PCSK1: variants seen among roughly 807,000 people sequenced by gnomAD.
PCSK1 encodes the protein neuroendocrine convertase 1.
In PCSK1, 56 loss-of-function variants were observed where a neutral mutation model predicts 90.6. The observed-to-expected ratio is 0.62, with a 90% CI of 0.50 to 0.77. PCSK1 has a LOEUF of 0.77. Ranked by LOEUF, PCSK1 falls within the 30% of genes least tolerant of loss-of-function variation. The pLI is 0.00. For synonymous variants in PCSK1, 348 were observed against 342.4 expected, an observed-to-expected ratio of 1.02 and a Z score of -0.18; for missense variants, 801 against 932.6, an observed-to-expected ratio of 0.86 and a Z score of 1.84.
chr5:96,425,738 A>G, intron 3 of PCSK1, 82 bp downstream of exon 3: 4 of 793,738 alleles, frequency 5.0e-6, no homozygotes, highest in African/African-American at 1.7e-5. Context: ...TAAAAAAAAA[A>G]AAAAATCCAT....
In PCSK1 at chr5:96,400,114, G is replaced by T. The variant is rs751616333; in HGVS notation, c.1269C>A (p.Asn423Lys). Reference sequence around the variant, plus strand: ...CTGCTCCATTCTTTTTCCATCCAGGGTTATTGGCCAGCGGGTCATACTCAG... The same window carrying T: ...CTGCTCCATTCTTTTTCCATCCAGGTTTATTGGCCAGCGGGTCATACTCAG... Reference protein sequence around the residue: ...WTSEYDPLANNPGWKKNGAGL... With the variant: ...WTSEYDPLANKPGWKKNGAGL... The change falls in exon 10 of 14, where the codon AAC becomes AAA. Residue 423 changes from asparagine (N) to lysine (K), a missense_variant. Transcript: ENST00000311106. 9.9e-6 allele frequency: 16 copies of T among 1,614,024 alleles called. No individual in the cohort carries two copies. Among genetic ancestry groups the T allele is most frequent in the Admixed American group, 1.7e-5 (1 of 60,000 alleles).
At chr5:96,410,742 T>C in intron 8 of PCSK1, 32 bp downstream of exon 8, 3 of 1,549,480 alleles carry the variant, frequency 1.9e-6, no homozygotes, top group Non-Finnish European at 2.7e-6. Flanking sequence ...CTCTCCTAAC[T>C]AAGCAGAGAG....
intron 1 of PCSK1, among the ~76,000 whole-genome samples, chr5:96,430,323 GAAAC>G (rs1234894308): frequency 3.9e-5 from 6 of 152,268 alleles, no homozygotes; most frequent in African/African-American, 1.4e-4. Flanking sequence ...TTAAAATTAA[GAAAC>G]AAACAGTTGA....
At chr5:96,412,901 A>T in intron 6 of PCSK1, 6 of 102,388 alleles carry the variant, frequency 5.9e-5, no homozygotes, top group Non-Finnish European at 1.0e-4. Flanking sequence ...CCTCCCTCCC[A>T]CCCCAACTAA....
rs1760931927 is a variant in PCSK1, at chr5:96,416,156, A to G, written c.621-35T>C. The G allele has an allele frequency of 6.4e-6, 9 of 1,401,684 alleles. No homozygotes were observed. The East Asian group carries it at 1.8e-4, about 28-fold the overall frequency. The allele number at this position is 1,401,684 out of a possible 1,614,324, so 86.8% of individuals were successfully genotyped here. ...GAAAAATAAGAATTATAAAACATACAGAAGAACAAACATTTGTTTTGCATA... is the reference window on the plus strand; with the variant it reads ...GAAAAATAAGAATTATAAAACATACGGAAGAACAAACATTTGTTTTGCATA... On this transcript the variant is annotated intron_variant, in intron 5 of 13. Transcript: ENST00000311106.
chr5:96,400,602 G>C (rs1580747289), intron 9 of PCSK1, among the ~76,000 whole-genome samples: 1 of 152,134 alleles, frequency 6.6e-6, no homozygotes. Context: ...ACCCACAGAC[G>C]AGGCCTTGAC....
At chr5:96,429,405 G>A (rs1761419873) in intron 1 of PCSK1, 88 bp from the exon 2 acceptor site, 3 of 738,006 alleles carry the variant, frequency 4.1e-6, no homozygotes, top group South Asian at 3.1e-5. Flanking sequence ...TTAGAGATAG[G>A]CAACTTTTAT....
At chr5:96,412,752 G>GTTTT (rs57397343) in intron 6 of PCSK1, among the ~76,000 whole-genome samples, 14,479 of 71,540 alleles carry the variant, frequency 0.2, 1,724 homozygotes, top group African/African-American at 0.23. Context: ...CAGCTGTGAT[G>GTTTT]TTTTTTTTTT....
chr5:96,396,036 T>C (rs908202103), intron 12 of PCSK1, among the ~76,000 whole-genome samples: 5 of 152,192 alleles, frequency 3.3e-5, no homozygotes, highest in African/African-American at 7.2e-5. Context: ...AGTTTCCTGA[T>C]GGTGAAATTG....
At chr5:96,393,453 C>G in intron 13 of PCSK1, 75 bp from the exon 14 acceptor site, 1 of 1,552,066 alleles carries the variant, frequency 6.4e-7, no homozygotes, top group South Asian at 1.1e-5. Context: ...TGCAACCCTA[C>G]CACAGGAACG....
At chr5:96,421,656 A>G (rs1380307373) in intron 5 of PCSK1, among the ~76,000 whole-genome samples, 1 of 152,228 alleles carries the variant, frequency 6.6e-6, no homozygotes, top group African/African-American at 2.4e-5. Context: ...GGAGAATTTC[A>G]TAATGTAAGA....
At chr5:96,431,235 C>T (rs1375624619) in intron 1 of PCSK1, among the ~76,000 whole-genome samples, 1 of 152,208 alleles carries the variant, frequency 6.6e-6, no homozygotes, top group African/African-American at 2.4e-5. Context: ...AGACTTACTA[C>T]TAAACTGTAT....
chr5:96,404,301 G>T (rs1760482062), intron 9 of PCSK1, among the ~76,000 whole-genome samples: 1 of 152,170 alleles, frequency 6.6e-6, no homozygotes, highest in South Asian at 2.1e-4. Context: ...GTTAAAAAAG[G>T]AATTCCTAGG....
At chr5:96,414,018 A>G (rs1241220044) in intron 6 of PCSK1, among the ~76,000 whole-genome samples, 2 of 146,568 alleles carry the variant, frequency 1.4e-5, no homozygotes, top group Non-Finnish European at 3.0e-5. Context: ...GGGTTCCTGT[A>G]GTCCTAGCTA....
At position 96,395,018 on chromosome 5, in the gene PCSK1, C is replaced by A. The variant is rs1760083686; in HGVS notation, c.1730G>T (p.Arg577Ile). ...CACAATTCTTCCTTCATTTTGAATT[C>A]TTCCAGACTAACAAATAAGCATACC... is the stretch of plus-strand genomic sequence containing the variant. Reference protein sequence around the residue: ...WTLRITDMSGRIQNEGRIVNW... With the variant: ...WTLRITDMSGIIQNEGRIVNW... The change falls in exon 13 of 14, where the codon AGA becomes ATA. Residue 577 changes from arginine (R) to isoleucine (I), a missense_variant. Arg to Ile is a moderately conservative substitution (Grantham distance 97). Coordinates refer to ENST00000311106, the MANE Select transcript of PCSK1 (RefSeq NM_000439.5). The A allele has an allele frequency of 6.2e-7, 1 of 1,612,392 alleles. No homozygotes were observed. The highest frequency in any genetic ancestry group is 8.5e-7 in the Non-Finnish European group (1 of 1,178,480).
chr5:96,411,242 A>G (rs367830836), intron 7 of PCSK1, among the ~76,000 whole-genome samples: 1 of 152,224 alleles, frequency 6.6e-6, no homozygotes, highest in East Asian at 1.9e-4. Flanking sequence ...TTTCTTATGC[A>G]GATTCATAAT....
rs769173446 is a variant in PCSK1, at chr5:96,393,119, T to A, written c.2144A>T (p.Asp715Val). 6.2e-7 allele frequency: 1 copy of A among 1,614,028 alleles called. No homozygotes were observed. The highest frequency in any genetic ancestry group is 1.3e-5 in the African/African-American group (1 of 74,902). ...EKLNKPSQLK[D>V]SEDSLYNDYV... Reference sequence around the variant, plus strand: ...GTCATTATACAGACTGTCTTCAGAGTCTTTAAGCTGGGAAGGTTTGTTCAG... The same window carrying A: ...GTCATTATACAGACTGTCTTCAGAGACTTTAAGCTGGGAAGGTTTGTTCAG... Residue 715 changes from aspartate to valine, a missense_variant, in exon 14 of 14, where the codon GAC becomes GTC. By Grantham distance (152) the Asp-to-Val change is radical. Transcript: ENST00000311106.
intron 5 of PCSK1, among the ~76,000 whole-genome samples, chr5:96,418,182 A>G (rs1371022378): frequency 6.6e-6 from 1 of 152,224 alleles, no homozygotes; most frequent in Non-Finnish European, 1.5e-5. Context: ...TCTTATCCTC[A>G]GGTTCCACCT....
chr5:96,421,975 A>G lies in PCSK1; in HGVS notation c.544-19T>C. The G allele has an allele frequency of 2.6e-6, 3 of 1,142,246 alleles. No homozygotes were observed. Among genetic ancestry groups the G allele is most frequent in the African/African-American group, 1.6e-5 (1 of 64,508 alleles). 70.8% of individuals were successfully genotyped at this position (1,142,246 alleles called of 1,614,324 possible). On this transcript the variant is annotated intron_variant, in intron 4 of 13. Transcript: ENST00000311106. ...CTGGATCCTAAAGAGACAACAAAAT[A>G]TAACACTGTGGCAGCATTAAAAAAA...
Sources: allele counts gnomAD v4.1 joint callset (sites outside exome capture counted in the v4.1 genomes callset), GRCh38; gene constraint gnomAD v4.1.1; transcripts MANE v1.5; gene names NCBI Gene and HGNC (gene_info 2026-07-23, HGNC 2026-07-21).